ANO4: variants seen among roughly 807,000 people sequenced by gnomAD.
The protein encoded by ANO4 is anoctamin-4.
Under a neutral mutation model 141.9 loss-of-function variants are expected in ANO4, and 69 were observed. That is an observed-to-expected ratio of 0.49 (90% confidence interval 0.40 to 0.59). The LOEUF is 0.59. Ranked by LOEUF, ANO4 falls within the 20% of genes least tolerant of loss-of-function variation. The pLI is 0.00. For synonymous variants in ANO4, 350 were observed against 394.3 expected (o/e 0.89, Z 1.33); for missense variants, 894 against 1,162.2 (o/e 0.77, Z 3.36).
intron 3 of ANO4, among the ~76,000 whole-genome samples, chr12:100,758,404 T>C (rs57117911): frequency 0.014 from 2,148 of 152,290 alleles, 67 homozygotes; most frequent in African/African-American, 0.05. Context: ...TGAGGCAGTC[T>C]GGAGCCAGCA....
chr12:100,931,473 G>T (rs2042085686), intron 3 of ANO4, among the ~76,000 whole-genome samples: 1 of 152,144 alleles, frequency 6.6e-6, no homozygotes, highest in South Asian at 2.1e-4. Flanking sequence ...AAATGGTATG[G>T]ATTTGGGGTC....
At chr12:101,044,997 A>ATTT (rs35550760) in intron 13 of ANO4, among the ~76,000 whole-genome samples, 9 of 119,518 alleles carry the variant, frequency 7.5e-5, no homozygotes, top group African/African-American at 2.4e-4. Flanking sequence ...TCAGAAGCCA[A>ATTT]TTTTTTTTTT....
chr12:100,941,596 TTTGAG>T (rs1286270020), intron 4 of ANO4, among the ~76,000 whole-genome samples: 3 of 152,328 alleles, frequency 2.0e-5, no homozygotes, highest in Admixed American at 6.5e-5. Flanking sequence ...TTCATGGACA[TTTGAG>T]TTGACTCCAA....
chr12:100,892,122 TC>T (rs765970064), intron 1 of ANO4, among the ~76,000 whole-genome samples: 4 of 152,202 alleles, frequency 2.6e-5, no homozygotes, highest in Non-Finnish European at 4.4e-5. Flanking sequence ...TTTGAATATA[TC>T]CACCACACAT....
At chr12:101,038,042 C>G (rs2047268045) in intron 10 of ANO4, among the ~76,000 whole-genome samples, 2 of 152,062 alleles carry the variant, frequency 1.3e-5, no homozygotes, top group South Asian at 4.1e-4. Context: ...TGGTACTTCT[C>G]TTAATTTTAA....
At chr12:100,851,178 TC>T (rs1446930098) in intron 1 of ANO4, among the ~76,000 whole-genome samples, 1 of 152,206 alleles carries the variant, frequency 6.6e-6, no homozygotes, top group Non-Finnish European at 1.5e-5. Context: ...TATACCTCCA[TC>T]ATCAATTTAT....
intron 1 of ANO4, among the ~76,000 whole-genome samples, chr12:100,898,071 A>G (rs2136015080): frequency 6.6e-6 from 1 of 152,366 alleles, no homozygotes; most frequent in Non-Finnish European, 1.5e-5. Context: ...TTGGTCAAGT[A>G]ACTTCTCGAG....
chr12:100,912,538 A>G (rs539301116), intron 2 of ANO4, among the ~76,000 whole-genome samples: 2 of 152,170 alleles, frequency 1.3e-5, no homozygotes, highest in African/African-American at 4.8e-5. Context: ...CGTCTCAAAA[A>G]AAAAACAAAA....
chr12:100,881,966 C>T (rs747212601), intron 1 of ANO4, among the ~76,000 whole-genome samples: 7 of 152,050 alleles, frequency 4.6e-5, no homozygotes, highest in Non-Finnish European at 5.9e-5. Flanking sequence ...CCACCCTGTG[C>T]CTAAATTGCT....
At chr12:101,036,979 A>G in intron 9 of ANO4, 116 bp from the exon 10 acceptor site, 1 of 988,544 alleles carries the variant, frequency 1.0e-6, no homozygotes, top group Non-Finnish European at 1.5e-6. Flanking sequence ...TGGTGCCCCT[A>G]AGAGGGTTGA....
rs373223611 is a variant in ANO4 at position 100,975,955 on chromosome 12, A to ACC, written c.602+1068_602+1069dup. ...CCAAAAAAAAAAAAAGAAAAAAAAAACCCACCAGATGAAGATTGCATCTAC... is the reference window on the plus strand; with the variant it reads ...CCAAAAAAAAAAAAAGAAAAAAAAAACCCCCACCAGATGAAGATTGCATCTAC... On this transcript the variant is annotated intron_variant, in intron 7 of 27. Transcript: ENST00000392977. Among the ~76,000 whole-genome samples, 49 of 124,648 alleles carry ACC rather than the reference A, an allele frequency of 3.9e-4. 1 individual carries two copies. The highest frequency in any genetic ancestry group is 1.4e-3 in the African/African-American group (45 of 33,242). The allele number at this position is 124,648 out of a possible 152,430, so 81.8% of individuals were successfully genotyped here.
intron 1 of ANO4, among the ~76,000 whole-genome samples, chr12:100,899,199 C>T (rs1181285039): frequency 1.3e-5 from 2 of 152,210 alleles, no homozygotes; most frequent in African/African-American, 2.4e-5. Flanking sequence ...CTGGGTGAAT[C>T]TCCTGAGACC....
At chr12:100,967,941 G>A (rs920644010) in intron 5 of ANO4, among the ~76,000 whole-genome samples, 3 of 152,154 alleles carry the variant, frequency 2.0e-5, no homozygotes, top group African/African-American at 7.2e-5. Context: ...AGCTCTGTCT[G>A]GGGTAAACAT....
chr12:101,058,458 G>A (rs2048217821), intron 14 of ANO4, among the ~76,000 whole-genome samples: 1 of 152,126 alleles, frequency 6.6e-6, no homozygotes, highest in Non-Finnish European at 1.5e-5. Flanking sequence ...GGGGAAGTAT[G>A]GCCATTTTCA....
intron 7 of ANO4, among the ~76,000 whole-genome samples, chr12:100,984,867 G>A (rs1394268206): frequency 6.6e-6 from 1 of 152,050 alleles, no homozygotes; most frequent in Non-Finnish European, 1.5e-5. Flanking sequence ...GCCACAGGCT[G>A]GCTGCTGAAA....
At chr12:100,755,563 G>C (rs1414437354) in intron 3 of ANO4, among the ~76,000 whole-genome samples, 1 of 152,122 alleles carries the variant, frequency 6.6e-6, no homozygotes, top group Non-Finnish European at 1.5e-5. Context: ...TTAAGTCTAG[G>C]TTCTATCCTG....
chr12:101,080,883 T>TTATATATATATATATATA (rs1463149041), intron 15 of ANO4, among the ~76,000 whole-genome samples: 254 of 73,960 alleles, frequency 3.4e-3, no homozygotes, highest in Middle Eastern at 8.2e-3. Context: ...TATATATATA[T>TTATATATATATATATATA]TATATATATA....
At chr12:101,127,708 C>G (rs2051380175) in intron 27 of ANO4, among the ~76,000 whole-genome samples, 153 bp from the exon 28 acceptor site, 2 of 152,236 alleles carry the variant, frequency 1.3e-5, no homozygotes, top group Admixed American at 6.5e-5. Flanking sequence ...ACCCATAAAG[C>G]AAGCATAAAA....
intron 8 of ANO4, among the ~76,000 whole-genome samples, chr12:100,993,350 A>T (rs564268630): frequency 8.5e-5 from 13 of 152,324 alleles, no homozygotes; most frequent in Non-Finnish European, 1.9e-4. Context: ...AGGTAGAAAA[A>T]TTCTTATTGT....
Sources: allele counts gnomAD v4.1 joint callset (sites outside exome capture counted in the v4.1 genomes callset), GRCh38; gene constraint gnomAD v4.1.1; transcripts MANE v1.5; gene names NCBI Gene and HGNC (gene_info 2026-07-23, HGNC 2026-07-21).